SNAP91: variants seen among roughly 807,000 people sequenced by gnomAD.
The protein encoded by SNAP91 is clathrin coat assembly protein AP180.
SNAP91 carries 27 observed loss-of-function variants against 100.3 expected under a neutral mutation model. The ratio of observed to expected loss-of-function variants is 0.27; its 90% CI spans 0.20 to 0.37. The LOEUF is 0.37. SNAP91 is among the 10% of genes least tolerant of loss of function. SNAP91 has a pLI of 1.00. For missense variants in SNAP91, 986 were observed against 1,123.7 expected, an observed-to-expected ratio of 0.88 and a Z score of 1.75; for synonymous variants, 404 against 398.6, an observed-to-expected ratio of 1.01 and a Z score of -0.16.
intron 26 of SNAP91, among the ~76,000 whole-genome samples, chr6:83,574,590 G>A (rs968748585): frequency 2.6e-5 from 4 of 151,940 alleles, no homozygotes; most frequent in Non-Finnish European, 5.9e-5. Context: ...CAAGAAATAT[G>A]ATAAGATAGA....
chr6:83,694,244 C>T (rs1342224692), intron 2 of SNAP91, among the ~76,000 whole-genome samples: 1 of 152,154 alleles, frequency 6.6e-6, no homozygotes. Flanking sequence ...AGATTTCTTG[C>T]CAATGGAATA....
chr6:83,633,880 C>G (rs1315582452), intron 8 of SNAP91, among the ~76,000 whole-genome samples: 1 of 151,158 alleles, frequency 6.6e-6, no homozygotes, highest in South Asian at 2.1e-4. Context: ...CACCCTCCCC[C>G]GAGTTCTGGC....
At chr6:83,677,284 C>T (rs1276563515) in intron 2 of SNAP91, among the ~76,000 whole-genome samples, 2 of 152,148 alleles carry the variant, frequency 1.3e-5, no homozygotes, top group African/African-American at 4.8e-5. Context: ...AAGCTATACC[C>T]CAAAATGCTC....
At chr6:83,577,679 A>G (rs1477345545) in intron 24 of SNAP91, among the ~76,000 whole-genome samples, 1 of 152,224 alleles carries the variant, frequency 6.6e-6, no homozygotes, top group Non-Finnish European at 1.5e-5. Flanking sequence ...ACTGCAATGC[A>G]GTCTCAATAG....
intron 26 of SNAP91, 75 bp downstream of exon 26, chr6:83,574,935 C>A (rs1202892840): frequency 4.2e-6 from 4 of 956,978 alleles, no homozygotes; most frequent in Non-Finnish European, 6.4e-6. Context: ...GCAAAGTTAG[C>A]AAAATGCACG....
chr6:83,661,759 AG>A (rs2098547211), intron 4 of SNAP91, among the ~76,000 whole-genome samples, 155 bp from the exon 5 acceptor site: 1 of 152,224 alleles, frequency 6.6e-6, no homozygotes, highest in Non-Finnish European at 1.5e-5. Flanking sequence ...TCCTGCTTCT[AG>A]GCAAAAATAC....
At chr6:83,578,474 C>T (rs1258178451) in intron 24 of SNAP91, among the ~76,000 whole-genome samples, 1 of 152,094 alleles carries the variant, frequency 6.6e-6, no homozygotes, top group Non-Finnish European at 1.5e-5. Context: ...TGGTGAGCAT[C>T]TTTTCATGTG....
chr6:83,608,974 T>C (rs919568738), intron 12 of SNAP91, among the ~76,000 whole-genome samples: 3 of 152,200 alleles, frequency 2.0e-5, no homozygotes, highest in Admixed American at 6.5e-5. Flanking sequence ...AAGCTAATTG[T>C]ATGTCATCCA....
chr6:83,646,335 T>C (rs2097915963), intron 7 of SNAP91, among the ~76,000 whole-genome samples: 2 of 152,192 alleles, frequency 1.3e-5, no homozygotes, highest in Admixed American at 1.3e-4. Context: ...TATGTTACCT[T>C]CCAGGATGTT....
Position 83,607,569 on chromosome 6 carries a change from T to C in SNAP91, c.1022+130A>G, listed in dbSNP as rs200016796. On this transcript the variant is annotated intron_variant, in intron 13 of 29. Coordinates refer to ENST00000369694, the MANE Select transcript of SNAP91 (RefSeq NM_001242792.2). Reference sequence around the variant, plus strand: ...CACAGGAGTAAAACAATGTACTTTGTGTAGTAAAAACTTCAACATTACTAG... The same window carrying C: ...CACAGGAGTAAAACAATGTACTTTGCGTAGTAAAAACTTCAACATTACTAG... 175 of 546,112 alleles carry C rather than the reference T, an allele frequency of 3.2e-4. No individual in the cohort carries two copies. The East Asian group carries it at 4.6e-3, about 14-fold the overall frequency. The allele number at this position is 546,112 out of a possible 1,614,324, so 33.8% of individuals were successfully genotyped here.
chr6:83,678,653 C>T (rs1346569121), intron 2 of SNAP91: 3 of 887,176 alleles, frequency 3.4e-6, no homozygotes, highest in Non-Finnish European at 4.8e-6. Context: ...TTCTATTTTT[C>T]ATTCCAAGGT....
rs1773361346 is a variant in SNAP91, at chr6:83,553,012, T to C, written c.*1284A>G. 6.6e-6 allele frequency: 1 copy of C among 152,606 alleles called. No individual in the cohort carries two copies. The highest frequency in any genetic ancestry group is 6.5e-5 in the Admixed American group (1 of 15,274). 9.5% of individuals were successfully genotyped at this position (152,606 alleles called of 1,614,324 possible). ...GGTAATTTTTCCCCATTACAGTGTA[T>C]GTTATCCCCACAGTAAATTCAGATA... On this transcript the variant is annotated 3_prime_UTR_variant, in exon 30 of 30. Coordinates refer to ENST00000369694, the MANE Select transcript of SNAP91 (RefSeq NM_001242792.2).
chr6:83,590,587 T>C (rs768158228), intron 22 of SNAP91, among the ~76,000 whole-genome samples: 2 of 152,108 alleles, frequency 1.3e-5, no homozygotes, highest in East Asian at 3.8e-4. Flanking sequence ...GTGGTCTATG[T>C]AATAGCAGTT....
At chr6:83,627,458 T>C (rs1237167639) in intron 8 of SNAP91, among the ~76,000 whole-genome samples, 1 of 152,058 alleles carries the variant, frequency 6.6e-6, no homozygotes, top group Non-Finnish European at 1.5e-5. Context: ...TGATAGAATT[T>C]AGCTGTGAAT....
At chr6:83,659,157 T>C in intron 5 of SNAP91, 65 bp from the exon 6 acceptor site, 1 of 1,272,226 alleles carries the variant, frequency 7.9e-7, no homozygotes, top group Non-Finnish European at 1.1e-6. Flanking sequence ...ACCATATGAA[T>C]TGTTCTAAGC....
At chr6:83,586,950 G>C (rs563849612) in intron 22 of SNAP91, among the ~76,000 whole-genome samples, 1 of 152,032 alleles carries the variant, frequency 6.6e-6, no homozygotes, top group South Asian at 2.1e-4. Context: ...TTACTCAAGG[G>C]GTAGAAGACG....
intron 2 of SNAP91, among the ~76,000 whole-genome samples, chr6:83,685,334 AG>A (rs1402143646): frequency 6.6e-6 from 1 of 152,224 alleles, no homozygotes; most frequent in African/African-American, 2.4e-5. Flanking sequence ...TAGAAGTAGC[AG>A]GAACAATGCC....
chr6:83,674,686 A>G (rs1477131170), intron 2 of SNAP91, among the ~76,000 whole-genome samples: 1 of 152,160 alleles, frequency 6.6e-6, no homozygotes, highest in African/African-American at 2.4e-5. Flanking sequence ...GTGGGATAAG[A>G]GCCCTTTCTA....
intron 16 of SNAP91, among the ~76,000 whole-genome samples, chr6:83,600,250 T>C (rs139532081): frequency 5.3e-5 from 8 of 152,308 alleles, no homozygotes; most frequent in African/African-American, 1.9e-4. Flanking sequence ...TTGGATGATG[T>C]TGGCCAACCT....
Sources: allele counts gnomAD v4.1 joint callset (sites outside exome capture counted in the v4.1 genomes callset), GRCh38; gene constraint gnomAD v4.1.1; transcripts MANE v1.5; gene names NCBI Gene and HGNC (gene_info 2026-07-23, HGNC 2026-07-21).